NDUFA10: variants seen among roughly 807,000 people sequenced by gnomAD.
NDUFA10 encodes NADH:ubiquinone oxidoreductase subunit A10, also known as NADH dehydrogenase [ubiquinone] 1 alpha subcomplex subunit 10, mitochondrial.
Under a neutral mutation model 47.8 loss-of-function variants are expected in NDUFA10, and 40 were observed. The ratio of observed to expected loss-of-function variants is 0.84; its 90% CI spans 0.65 to 1.09. The LOEUF is 1.09. Among genes scored for constraint, NDUFA10 ranks in the 50% least tolerant of loss-of-function variants. The pLI is 0.00. For synonymous variants in NDUFA10, 183 were observed against 172.2 expected, an observed-to-expected ratio of 1.06 and a Z score of -0.49; for missense variants, 413 against 451.1, an observed-to-expected ratio of 0.92 and a Z score of 0.76.
In NDUFA10 at chr2:239,909,202, TTAA is replaced by T. The variant is rs558347136; in HGVS notation, c.295-13891_295-13889del. 3.9e-3 allele frequency among the ~76,000 whole-genome samples: 578 copies of T among 147,456 alleles called. 2 individuals carry two copies. The highest frequency in any genetic ancestry group is 0.015 in the African/African-American group (549 of 36,888). On this transcript the variant is annotated intron_variant, in intron 4 of 5. Transcript: ENST00000419408. Reference sequence around the variant, plus strand: ...AATCAGACAAAACCAAAGTGGGGTCTTAATATTCACGTGACAGAGATGCAGAAA... The same window carrying T: ...AATCAGACAAAACCAAAGTGGGGTCTTATTCACGTGACAGAGATGCAGAAA...
At chr2:240,019,433 C>CA (rs1432244575) in intron 3 of NDUFA10, among the ~76,000 whole-genome samples, 1 of 151,750 alleles carries the variant, frequency 6.6e-6, no homozygotes, top group African/African-American at 2.4e-5. Flanking sequence ...ACTATAGCAC[C>CA]AAAAAAAGCA....
Position 239,960,690 on chromosome 2 carries a change from G to A in NDUFA10, c.*428C>T, listed in dbSNP as rs557106858. The A allele has an allele frequency of 4.1e-4, 475 of 1,152,640 alleles. 7 individuals are homozygous for A. The South Asian group carries it at 8.1e-3, about 20-fold the overall frequency. 71.4% of individuals were successfully genotyped at this position (1,152,640 alleles called of 1,614,324 possible). On this transcript the variant is annotated 3_prime_UTR_variant, in exon 10 of 10. Transcript: ENST00000252711. ...AGGGCCCAGAGCAGCGTGTGTGCACGTGTGCAGTTTCGACGTGCCCGCACG... is the reference window on the plus strand; with the variant it reads ...AGGGCCCAGAGCAGCGTGTGTGCACATGTGCAGTTTCGACGTGCCCGCACG...
chr2:239,996,170 G>A (rs941930235), intron 8 of NDUFA10, among the ~76,000 whole-genome samples: 2 of 152,124 alleles, frequency 1.3e-5, no homozygotes, highest in East Asian at 3.9e-4. Context: ...TAAGGATACC[G>A]ATGACTTGAA....
At chr2:240,022,413 T>C in intron 1 of NDUFA10, 73 bp from the exon 2 acceptor site, 1 of 1,601,792 alleles carries the variant, frequency 6.2e-7, no homozygotes, top group South Asian at 1.1e-5. Context: ...AACTATTAGG[T>C]AAAAATACCA....
intron 4 of NDUFA10, among the ~76,000 whole-genome samples, chr2:239,915,870 TACAG>T (rs1238062190): frequency 4.1e-5 from 5 of 123,262 alleles, no homozygotes; most frequent in African/African-American, 1.3e-4. Flanking sequence ...CACACAAATA[TACAG>T]ACACACACAG....
At position 239,949,946 on chromosome 2, in the gene NDUFA10, G is replaced by A. The variant is rs115376423; in HGVS notation, c.294+40128C>T. On this transcript the variant is annotated intron_variant, in intron 4 of 5. Transcript: ENST00000419408. ...CATCCTGTGGGTCCTGGTCTCAGGA[G>A]AGCCCTGACTGAGCCTGAACCTGGA... Among the ~76,000 whole-genome samples, 939 of 152,316 alleles carry A rather than the reference G, an allele frequency of 6.2e-3. 5 individuals are homozygous for A. Among genetic ancestry groups the A allele is most frequent in the South Asian group, 9.5e-3 (46 of 4,826 alleles).
chr2:239,952,206 G>C (rs1326888804), intron 4 of NDUFA10, among the ~76,000 whole-genome samples: 5 of 150,838 alleles, frequency 3.3e-5, no homozygotes, highest in Non-Finnish European at 7.4e-5. Flanking sequence ...GAGAGGAAAG[G>C]CTGCATGAAG....
chr2:239,899,640 A>T (rs1202786676), intron 4 of NDUFA10, among the ~76,000 whole-genome samples: 2 of 152,086 alleles, frequency 1.3e-5, no homozygotes, highest in Non-Finnish European at 2.9e-5. Context: ...GTCAGTTAGT[A>T]AGGCAGGTGG....
intron 8 of NDUFA10, among the ~76,000 whole-genome samples, chr2:239,992,792 A>AT (rs1373797465): frequency 6.6e-6 from 1 of 152,168 alleles, no homozygotes; most frequent in Non-Finnish European, 1.5e-5. Context: ...CAGCACAAGC[A>AT]TAGCTATACA....
At chr2:240,009,778 G>C (rs970576301) in intron 6 of NDUFA10, among the ~76,000 whole-genome samples, 4 of 152,094 alleles carry the variant, frequency 2.6e-5, no homozygotes, top group Non-Finnish European at 4.4e-5. Context: ...ATTTAGTTTT[G>C]ATTTTACTGT....
chr2:239,914,592 CATAG>C (rs1693812306), intron 4 of NDUFA10, among the ~76,000 whole-genome samples: 1 of 143,362 alleles, frequency 7.0e-6, no homozygotes, highest in Non-Finnish European at 1.5e-5. Context: ...CACATACATA[CATAG>C]ACACACACAA....
chr2:240,007,573 C>A lies in NDUFA10; in HGVS notation c.750-203G>T, dbSNP rs3792090. Among the ~76,000 whole-genome samples the A allele has an allele frequency of 3.3e-4, 51 of 152,308 alleles. 1 individual carries two copies. The East Asian group carries it at 9.9e-3, about 29-fold the overall frequency. ...GTTAAAAGCCAGAATGTTCTCATGG[C>A]TGGCTTGACAGTGACAACAGCAGGA... On this transcript the variant is annotated intron_variant, in intron 6 of 9. Transcript: ENST00000252711.
intron 1 of NDUFA10, among the ~76,000 whole-genome samples, chr2:240,022,866 T>A (rs757879182): frequency 6.6e-6 from 1 of 152,144 alleles, no homozygotes; most frequent in Admixed American, 6.5e-5. Context: ...AACATCCATA[T>A]CCTAGCCCCC....
chr2:240,001,807 G>A (rs1254405983), intron 8 of NDUFA10, among the ~76,000 whole-genome samples: 2 of 152,156 alleles, frequency 1.3e-5, no homozygotes, highest in Non-Finnish European at 2.9e-5. Context: ...ATAATCAGCT[G>A]ACTTCAATGA....
intron 9 of NDUFA10, among the ~76,000 whole-genome samples, chr2:239,985,865 C>T (rs1430569838): frequency 6.8e-6 from 1 of 146,164 alleles, no homozygotes; most frequent in Non-Finnish European, 1.5e-5. Context: ...GAGCTGAGAT[C>T]ACACCACTGC....
chr2:239,912,860 G>A (rs907997941), intron 4 of NDUFA10, among the ~76,000 whole-genome samples: 1 of 152,212 alleles, frequency 6.6e-6, no homozygotes, highest in African/African-American at 2.4e-5. Context: ...GGGTCCACGT[G>A]CTGCCTCAAC....
intron 8 of NDUFA10, among the ~76,000 whole-genome samples, chr2:240,002,265 G>C (rs1370332985): frequency 6.8e-6 from 1 of 148,042 alleles, no homozygotes; most frequent in African/African-American, 2.5e-5. Flanking sequence ...AGGAGGCAGA[G>C]GTTGCAGTGA....
intron 5 of NDUFA10, chr2:240,012,689 C>A (rs150381460): frequency 6.6e-6 from 1 of 152,160 alleles, no homozygotes; most frequent in Non-Finnish European, 1.5e-5. Context: ...ATAAGAAAAA[C>A]CCTATCATTC....
Position 239,944,085 on chromosome 2 carries a change from C to A in NDUFA10, c.294+45989G>T, listed in dbSNP as rs149585911. Among the ~76,000 whole-genome samples the A allele has an allele frequency of 4.4e-3, 677 of 152,314 alleles. 2 individuals carry two copies. Among genetic ancestry groups the A allele is most frequent in the Non-Finnish European group, 7.2e-3 (491 of 68,028 alleles). On this transcript the variant is annotated intron_variant, in intron 4 of 5. Transcript: ENST00000419408. ...GCTAGTCCTGTTGCTGGTCCTCCTC[C>A]AGGTGCAGGGCACCGGTGCCCGCAA...
Sources: allele counts gnomAD v4.1 joint callset (sites outside exome capture counted in the v4.1 genomes callset), GRCh38; gene constraint gnomAD v4.1.1; transcripts MANE v1.5; gene names NCBI Gene and HGNC (gene_info 2026-07-23, HGNC 2026-07-21).